Variants in DLG2 observed in about 807,000 individuals in gnomAD.
DLG2 encodes the protein discs large MAGUK scaffold protein 2.
DLG2 carries 45 observed loss-of-function variants against 132.5 expected under a neutral mutation model. The observed-to-expected ratio is 0.34, with a 90% CI of 0.27 to 0.44. DLG2 has a LOEUF of 0.44. DLG2 is among the 20% of genes least tolerant of loss of function. The pLI, the probability that DLG2 is intolerant of heterozygous loss-of-function variation, is 1.00. For missense variants in DLG2, 1,045 were observed against 1,196.9 expected, an observed-to-expected ratio of 0.87 and a Z score of 1.87; for synonymous variants, 424 against 419.6, an observed-to-expected ratio of 1.01 and a Z score of -0.13.
intron 8 of DLG2, among the ~76,000 whole-genome samples, chr11:84,190,396 A>C (rs2096383148): frequency 6.6e-6 from 1 of 152,212 alleles, no homozygotes; most frequent in South Asian, 2.1e-4. Flanking sequence ...AAGGTTACAA[A>C]GTTGGATTTG....
At chr11:84,445,227 G>C (rs1308712195) in intron 7 of DLG2, among the ~76,000 whole-genome samples, 7 of 152,046 alleles carry the variant, frequency 4.6e-5, no homozygotes, top group Non-Finnish European at 8.8e-5. Flanking sequence ...ATAACTATCA[G>C]TTAACTTCTT....
At chr11:83,506,543 G>A (rs2094712000) in intron 21 of DLG2, among the ~76,000 whole-genome samples, 1 of 152,184 alleles carries the variant, frequency 6.6e-6, no homozygotes, top group African/African-American at 2.4e-5. Flanking sequence ...TGGCTCCTGA[G>A]GAGAATCAAC....
intron 6 of DLG2, among the ~76,000 whole-genome samples, chr11:84,618,204 A>T (rs1672543715): frequency 6.6e-6 from 1 of 152,014 alleles, no homozygotes; most frequent in South Asian, 2.1e-4. Context: ...GAGCTTGGAG[A>T]AGTCCAAAGA....
intron 3 of DLG2, among the ~76,000 whole-genome samples, chr11:85,338,791 G>A (rs772854267): frequency 1.1e-4 from 15 of 142,586 alleles, no homozygotes; most frequent in Middle Eastern, 4.0e-3. Flanking sequence ...TGCAGGCTCC[G>A]CCTCCCGGGT....
intron 7 of DLG2, chr11:84,437,860 T>C (rs1404554374): frequency 1.3e-5 from 2 of 152,564 alleles, no homozygotes; most frequent in East Asian, 3.9e-4. Context: ...CCTCCCTCTC[T>C]AGGCTTGGGC....
intron 6 of DLG2, among the ~76,000 whole-genome samples, chr11:84,689,186 T>A (rs2153722292): frequency 6.6e-6 from 1 of 152,288 alleles, no homozygotes; most frequent in African/African-American, 2.4e-5. Context: ...TATATTGTTC[T>A]TAACTTCCTA....
chr11:85,491,130 C>A (rs184491793), intron 3 of DLG2, among the ~76,000 whole-genome samples: 5 of 151,934 alleles, frequency 3.3e-5, no homozygotes, highest in African/African-American at 1.2e-4. Context: ...AGAGATGCAA[C>A]AAACGTGATA....
chr11:84,528,609 C>T (rs1239426926), intron 7 of DLG2, among the ~76,000 whole-genome samples: 2 of 152,188 alleles, frequency 1.3e-5, no homozygotes, highest in Non-Finnish European at 2.9e-5. Flanking sequence ...ATTGTTTTCT[C>T]AGTAGGATTC....
At chr11:85,440,854 C>A (rs1399490706) in intron 3 of DLG2, among the ~76,000 whole-genome samples, 1 of 152,046 alleles carries the variant, frequency 6.6e-6, no homozygotes, top group African/African-American at 2.4e-5. Context: ...AACATGGGGC[C>A]TAGGCAACCC....
At chr11:85,213,118 T>A (rs1403663984) in intron 4 of DLG2, among the ~76,000 whole-genome samples, 1 of 152,082 alleles carries the variant, frequency 6.6e-6, no homozygotes, top group Admixed American at 6.6e-5. Flanking sequence ...TGTAGAAACA[T>A]TAGAATTTGC....
At chr11:84,834,362 G>T (rs876695) in intron 6 of DLG2, among the ~76,000 whole-genome samples, 127,245 of 151,414 alleles carry the variant, frequency 0.84, 54,363 homozygotes, top group Middle Eastern at 0.96. Context: ...TTTATTTTTG[G>T]TTCTACTTGT....
chr11:84,318,870 A>G (rs1020579956), intron 7 of DLG2, among the ~76,000 whole-genome samples: 1 of 152,212 alleles, frequency 6.6e-6, no homozygotes, highest in Non-Finnish European at 1.5e-5. Flanking sequence ...CAGGCAGTAA[A>G]TACATACATA....
At chr11:84,928,537 G>T (rs1292407557) in intron 6 of DLG2, among the ~76,000 whole-genome samples, 1 of 151,862 alleles carries the variant, frequency 6.6e-6, no homozygotes, top group Non-Finnish European at 1.5e-5. Flanking sequence ...AAAGGTGAAG[G>T]TAAAAAGGTG....
At chr11:84,389,422 C>A (rs1414238098) in intron 7 of DLG2, among the ~76,000 whole-genome samples, 2 of 151,940 alleles carry the variant, frequency 1.3e-5, no homozygotes, top group Non-Finnish European at 2.9e-5. Context: ...TATTTTTGTA[C>A]CTGTAATATA....
At chr11:85,021,444 C>G in intron 6 of DLG2, 1 of 1,405,078 alleles carries the variant, frequency 7.1e-7, no homozygotes, top group South Asian at 1.2e-5. Flanking sequence ...TTCTGCCATC[C>G]TCTCCTGCTA....
intron 7 of DLG2, among the ~76,000 whole-genome samples, chr11:84,491,508 C>T (rs1332501692): frequency 6.6e-6 from 1 of 152,148 alleles, no homozygotes; most frequent in Admixed American, 6.6e-5. Context: ...CAGACTAATA[C>T]ATACAGTTAC....
At chr11:85,117,625 AGTAATCGTAAAT>A (rs2073805109) in intron 5 of DLG2, among the ~76,000 whole-genome samples, 1 of 143,970 alleles carries the variant, frequency 6.9e-6, no homozygotes, top group Non-Finnish European at 1.5e-5. Flanking sequence ...AAAAAAAAAA[AGTAATCGTAAAT>A]AGGAATAAAA....
At chr11:84,204,384 A>T (rs1386882426) in intron 8 of DLG2, among the ~76,000 whole-genome samples, 1 of 152,222 alleles carries the variant, frequency 6.6e-6, no homozygotes, top group African/African-American at 2.4e-5. Context: ...CACGGTATTG[A>T]TTCATCTAAA....
At chr11:83,561,683 C>G (rs1466275495) in intron 19 of DLG2, among the ~76,000 whole-genome samples, 1 of 151,950 alleles carries the variant, frequency 6.6e-6, no homozygotes, top group Non-Finnish European at 1.5e-5. Flanking sequence ...TTGTGGTAAT[C>G]CTTTGGAATA....
Sources: allele counts gnomAD v4.1 joint callset (sites outside exome capture counted in the v4.1 genomes callset), GRCh38; gene constraint gnomAD v4.1.1; transcripts MANE v1.5; gene names NCBI Gene and HGNC (gene_info 2026-07-23, HGNC 2026-07-21).